PRR16: variants seen among roughly 807,000 people sequenced by gnomAD.
The protein encoded by PRR16 is proline rich 16.
PRR16 carries 6 observed loss-of-function variants against 18.2 expected under a neutral mutation model. That is an observed-to-expected ratio of 0.33 (90% CI 0.18 to 0.65). The LOEUF (loss-of-function observed/expected upper bound fraction) is 0.65, where lower values mean the gene tolerates loss of function less well. PRR16 is among the 30% of genes least tolerant of loss of function. PRR16 has a pLI of 0.74. For synonymous variants in PRR16, 151 were observed against 147.8 expected (o/e 1.02, Z -0.16); for missense variants, 412 against 376.6 (o/e 1.09, Z -0.78).
the PRR16 span, among the ~76,000 whole-genome samples, chr5:120,763,004 C>T: frequency 6.6e-6 from 1 of 152,088 alleles, no homozygotes; most frequent in Non-Finnish European, 1.5e-5. Flanking sequence ...GTTTTCCCAG[C>T]CTCATGTACT....
At chr5:120,499,096 CT>C (rs911477162) in intron 1 of PRR16, among the ~76,000 whole-genome samples, 14 of 138,294 alleles carry the variant, frequency 1.0e-4, no homozygotes, top group Non-Finnish European at 9.5e-5. Context: ...TTTCAGTCAT[CT>C]TTTTTTTTTA....
chr5:120,595,813 G>T (rs1210150353), intron 1 of PRR16, among the ~76,000 whole-genome samples: 1 of 151,976 alleles, frequency 6.6e-6, no homozygotes, highest in South Asian at 2.1e-4. Flanking sequence ...AAGAGTTTTG[G>T]ATCTCTAATA....
chr5:120,751,241 A>G, the PRR16 span, among the ~76,000 whole-genome samples: 1 of 152,194 alleles, frequency 6.6e-6, no homozygotes, highest in Non-Finnish European at 1.5e-5. Context: ...GAGTGCTTCA[A>G]TAAATATGGG....
chr5:120,580,974 C>T (rs1407107900), intron 1 of PRR16, among the ~76,000 whole-genome samples: 1 of 151,932 alleles, frequency 6.6e-6, no homozygotes, highest in Non-Finnish European at 1.5e-5. Flanking sequence ...GGGATATTGG[C>T]CTGAAGTATT....
chr5:120,748,492 A>G, the PRR16 span, among the ~76,000 whole-genome samples: 1 of 152,236 alleles, frequency 6.6e-6, no homozygotes, highest in Non-Finnish European at 1.5e-5. Flanking sequence ...GTATCTTTCA[A>G]TGTGGAAAAT....
intron 1 of PRR16, among the ~76,000 whole-genome samples, chr5:120,584,439 T>TAC (rs1263319201): frequency 6.6e-6 from 1 of 152,152 alleles, no homozygotes; most frequent in African/African-American, 2.4e-5. Flanking sequence ...AATGAAAAGA[T>TAC]ACCACAGTTG....
chr5:120,622,158 C>T (rs1754711346), intron 1 of PRR16, among the ~76,000 whole-genome samples: 1 of 152,086 alleles, frequency 6.6e-6, no homozygotes, highest in South Asian at 2.1e-4. Context: ...TTCTTCTTTG[C>T]TGACTGCCTC....
intron 1 of PRR16, among the ~76,000 whole-genome samples, chr5:120,541,937 A>G (rs181651988): frequency 6.7e-6 from 1 of 149,430 alleles, no homozygotes; most frequent in African/African-American, 2.5e-5. Context: ...TTTTTTTTTA[A>G]TTACAGTTTT....
intron 1 of PRR16, among the ~76,000 whole-genome samples, chr5:120,639,589 G>C (rs1044375327): frequency 6.6e-6 from 1 of 151,818 alleles, no homozygotes; most frequent in Non-Finnish European, 1.5e-5. Context: ...ACCACAATGA[G>C]ATACCATCTC....
intron 1 of PRR16, among the ~76,000 whole-genome samples, chr5:120,654,625 C>A (rs1755904553): frequency 6.6e-6 from 1 of 151,696 alleles, no homozygotes; most frequent in South Asian, 2.1e-4. Flanking sequence ...GAAAGATACA[C>A]AACAGAGAGA....
intron 1 of PRR16, among the ~76,000 whole-genome samples, chr5:120,612,436 C>T (rs1754365693): frequency 6.6e-6 from 1 of 152,128 alleles, no homozygotes; most frequent in South Asian, 2.1e-4. Context: ...TCCCAGAATT[C>T]CCCCATGGTG....
intron 1 of PRR16, among the ~76,000 whole-genome samples, chr5:120,631,568 C>T (rs1395107228): frequency 6.6e-6 from 1 of 152,054 alleles, no homozygotes; most frequent in Non-Finnish European, 1.5e-5. Context: ...GGCATTTCCC[C>T]ATTTCGCTGG....
intron 1 of PRR16, among the ~76,000 whole-genome samples, chr5:120,511,112 GAGAA>G (rs1750812829): frequency 6.6e-6 from 1 of 152,128 alleles, no homozygotes; most frequent in Non-Finnish European, 1.5e-5. Flanking sequence ...AATGTGTAAC[GAGAA>G]ATAGCACTGC....
At chr5:120,473,237 A>G (rs2112800616) in intron 1 of PRR16, among the ~76,000 whole-genome samples, 1 of 152,310 alleles carries the variant, frequency 6.6e-6, no homozygotes, top group East Asian at 1.9e-4. Context: ...ATCCAATTAT[A>G]TATAGAATGA....
At chr5:120,549,327 T>C (rs1283844542) in intron 1 of PRR16, among the ~76,000 whole-genome samples, 1 of 152,118 alleles carries the variant, frequency 6.6e-6, no homozygotes, top group African/African-American at 2.4e-5. Flanking sequence ...GGCACAAGCC[T>C]TGACCTCTCA....
At chr5:120,651,510 G>T (rs62377791) in intron 1 of PRR16, among the ~76,000 whole-genome samples, 39,306 of 152,042 alleles carry the variant, frequency 0.26, 6,103 homozygotes, top group Middle Eastern at 0.41. Flanking sequence ...TTCATATAAG[G>T]TGTAAGGAAG....
chr5:120,702,117 AG>A, the PRR16 span, among the ~76,000 whole-genome samples: 1 of 151,426 alleles, frequency 6.6e-6, no homozygotes. Context: ...AGAGAAATGG[AG>A]GGAAGGGGTT....
chr5:120,523,833 A>G (rs1325385018), intron 1 of PRR16, among the ~76,000 whole-genome samples: 1 of 152,170 alleles, frequency 6.6e-6, no homozygotes, highest in African/African-American at 2.4e-5. Context: ...TAAAAGATTT[A>G]AGCTCATGTC....
At chr5:120,499,396 T>C (rs79163428) in intron 1 of PRR16, among the ~76,000 whole-genome samples, 2,607 of 152,234 alleles carry the variant, frequency 0.017, 79 homozygotes, top group African/African-American at 0.059. Flanking sequence ...TATTAGCTCT[T>C]TGATTATGGT....
Sources: gnomAD v4.1 joint callset for allele counts (sites outside exome capture counted in the v4.1 genomes callset) on GRCh38, gnomAD v4.1.1 for gene constraint, MANE v1.5 for transcripts, NCBI Gene and HGNC (gene_info 2026-07-23, HGNC 2026-07-21) for gene names.